PUF60: variants seen among roughly 807,000 people sequenced by gnomAD.
PUF60 encodes poly(U) binding splicing factor 60, also known as poly(U)-binding-splicing factor PUF60.
In PUF60, 10 loss-of-function variants were observed where a neutral mutation model predicts 61.8. That is an observed-to-expected ratio of 0.16 (90% CI 0.10 to 0.27). PUF60 has a LOEUF of 0.27. Ranked by LOEUF, PUF60 falls within the 10% of genes least tolerant of loss-of-function variation. PUF60 has a pLI of 1.00. For synonymous variants in PUF60, 353 were observed against 300.9 expected, an observed-to-expected ratio of 1.17 and a Z score of -1.79; for missense variants, 371 against 754.0, an observed-to-expected ratio of 0.49 and a Z score of 5.95.
At position 143,817,398 on chromosome 8, in the gene PUF60, G is replaced by A; in HGVS notation, c.1077C>T (p.Thr359=). The A allele has an allele frequency of 3.1e-6, 5 of 1,593,720 alleles. No individual in the cohort carries two copies. Among genetic ancestry groups the A allele is most frequent in the Non-Finnish European group, 4.3e-6 (5 of 1,174,262 alleles). ...GTPGLVSPAL[T]LAQPLGTLPQ... ...GCAAAGTGCCCAGGGGCTGGGCCAG[G>A]GTCAGTGCTGGGGACACCAGTCCAG... Residue 359 remains threonine (T), a synonymous_variant, in exon 10 of 12, where the codon ACC becomes ACT. Transcript: ENST00000526683. This position sits in a 1 kb window ranked among gnomAD's most constrained non-coding sequence, Gnocchi z 7.4.
chr8:143,821,706 G>A lies in PUF60; in HGVS notation c.208-20C>T. 1 of 1,547,572 alleles carries A rather than the reference G, an allele frequency of 6.5e-7. No homozygotes were observed. The highest frequency in any genetic ancestry group is 8.7e-7 in the Non-Finnish European group (1 of 1,146,896). ...CTTGGCCTGAGAGAGGCGGCAGTGA[G>A]GAGCACTGGGGGCCCAGCCCATGGG... On this transcript the variant is annotated intron_variant, in intron 3 of 11. Coordinates refer to ENST00000526683, the MANE Select transcript of PUF60 (RefSeq NM_078480.3).
Position 143,821,842 on chromosome 8 carries a change from G to A in PUF60, c.183C>T (p.Pro61=), listed in dbSNP as rs570352268. The part of the protein sequence containing the change: ...AAKLGLPPLT[P]EQQEALQKAK... ...CCTTCTGAAGGGCCTCCTGCTGCTC[G>A]GGCGTCAGGGGAGGCAGCCCCAGCT... Residue 61 remains proline (P), a synonymous_variant, in exon 3 of 12, where the codon CCC becomes CCT. Coordinates refer to ENST00000526683, the MANE Select transcript of PUF60 (RefSeq NM_078480.3). 1.9e-5 allele frequency: 30 copies of A among 1,610,658 alleles called. No individual in the cohort carries two copies. Among genetic ancestry groups the A allele is most frequent in the African/African-American group, 2.7e-5 (2 of 74,840 alleles).
chr8:143,824,436 A>T, intron 1 of PUF60, 37 bp from the exon 2 acceptor site: 2 of 1,595,908 alleles, frequency 1.3e-6, no homozygotes, highest in Non-Finnish European at 1.7e-6. Context: ...CGACAGGCAC[A>T]CCACCCCACC....
rs1816530106 is a variant in PUF60 at position 143,817,769 on chromosome 8, G to T, written c.831C>A (p.Ala277=). 2 of 1,611,178 alleles carry T rather than the reference G, an allele frequency of 1.2e-6. No individual in the cohort carries two copies. The highest frequency in any genetic ancestry group is 4.5e-5 in the East Asian group (2 of 44,828). ...KGYGFIEYEK[A]QSSQDAVSSM... ...AAGACACAGCATCTTGGGACGACTG[G>T]GCCTTCTCGTACTCTGTGGGCAGGA... The change falls in exon 9 of 12, where the codon GCC becomes GCA. Residue 277 remains alanine, a synonymous_variant. Coordinates refer to ENST00000526683, the MANE Select transcript of PUF60 (RefSeq NM_078480.3). This position sits in a 1 kb window ranked among gnomAD's most constrained non-coding sequence, Gnocchi z 7.4.
At chr8:143,827,092 G>A (rs547138728) in intron 1 of PUF60, 5 of 319,162 alleles carry the variant, frequency 1.6e-5, no homozygotes, top group East Asian at 1.0e-4. Flanking sequence ...AGAGAAAGAC[G>A]TCTCTCTCAG....
Position 143,816,472 on chromosome 8 carries a change from C to T in PUF60, c.*48G>A. On this transcript the variant is annotated 3_prime_UTR_variant, in exon 12 of 12. Transcript: ENST00000526683. ...GGGACACCACTGTATCACTATAAAACCCAGAGGAAACAAGGAACAAGTGCA... is the reference window on the plus strand; with the variant it reads ...GGGACACCACTGTATCACTATAAAATCCAGAGGAAACAAGGAACAAGTGCA... The T allele has an allele frequency of 1.9e-6, 3 of 1,566,170 alleles. No individual in the cohort carries two copies. The highest frequency in any genetic ancestry group is 1.7e-6 in the Non-Finnish European group (2 of 1,157,466).
rs756686350 is a variant in PUF60, at chr8:143,818,481, G to A, written c.402C>T (p.Gly134=). ...CCTCCCCCAGCTCATAGTAGATAGAGCCCACGTAGACGCGGCACATGATGG... is the reference window on the plus strand; with the variant it reads ...CCTCCCCCAGCTCATAGTAGATAGAACCCACGTAGACGCGGCACATGATGG... The part of the protein sequence containing the change: ...ALAIMCRVYV[G]SIYYELGEDT... The change falls in exon 6 of 12, where the codon GGC becomes GGT. Residue 134 remains glycine, a synonymous_variant. Coordinates refer to ENST00000526683, the MANE Select transcript of PUF60 (RefSeq NM_078480.3). This position sits in a 1 kb window ranked among gnomAD's most constrained non-coding sequence, Gnocchi z 7.9. 1.6e-5 allele frequency: 25 copies of A among 1,609,890 alleles called. No homozygotes were observed. In the South Asian group the frequency reaches 2.5e-4, roughly 16 times the overall value.
intron 4 of PUF60, chr8:143,821,286 T>C (rs1176343608): frequency 7.4e-6 from 4 of 537,552 alleles, no homozygotes; most frequent in Non-Finnish European, 1.3e-5. Context: ...TGTGCACAGC[T>C]GGGGCAGGGA....
intron 1 of PUF60, chr8:143,824,770 C>T (rs979117824): frequency 2.0e-5 from 6 of 300,708 alleles, no homozygotes; most frequent in South Asian, 3.9e-5. Context: ...GAGGCAGCAG[C>T]GGTGCCTTCC....
intron 1 of PUF60, 153 bp downstream of exon 1, chr8:143,829,127 G>A (rs1448146380): frequency 2.7e-5 from 32 of 1,181,248 alleles, no homozygotes; most frequent in Middle Eastern, 3.4e-4. Flanking sequence ...CGCCCGCCCC[G>A]CCCCCGCCTC....
At chr8:143,824,144 G>A (rs76766533) in intron 2 of PUF60, among the ~76,000 whole-genome samples, 169 bp downstream of exon 2, 5,687 of 152,314 alleles carry the variant, frequency 0.037, 313 homozygotes, top group East Asian at 0.27. Flanking sequence ...TGCGGGGAGA[G>A]GGCCGTGGTC....
At position 143,829,284 on chromosome 8, in the gene PUF60, G is replaced by A. The variant is rs1470495710; in HGVS notation, c.20C>T (p.Ala7Val). 4 of 1,267,904 alleles carry A rather than the reference G, an allele frequency of 3.2e-6. No individual in the cohort carries two copies. Among genetic ancestry groups the A allele is most frequent in the African/African-American group, 3.1e-5 (2 of 64,908 alleles). The allele number at this position is 1,267,904 out of a possible 1,614,324, so 78.5% of individuals were successfully genotyped here. A position where few individuals can be genotyped will look rare whatever the true frequency, so the allele number is the denominator to read the frequency against. The stretch of plus-strand genomic sequence containing the variant: ...CTCATGGGGGGGCTCACTTACGAGA[G>A]CTATGGTCGCCGTCGCCATCTTGCG... MATATI[A>V]LQVNGQQGGG... is the part of the protein sequence containing the mutation. Residue 7 changes from alanine to valine, a missense_variant, in exon 1 of 12, where the codon GCT (alanine) becomes GTT (valine). Ala to Val is a moderately conservative substitution (Grantham distance 64). Transcript: ENST00000526683.
At chr8:143,825,671 TGGG>T (rs1817562270) in intron 1 of PUF60, among the ~76,000 whole-genome samples, 1 of 152,210 alleles carries the variant, frequency 6.6e-6, no homozygotes, top group African/African-American at 2.4e-5. Context: ...TTGGTAGAGA[TGGG>T]GGTCTCCGTG....
intron 11 of PUF60, 36 bp from the exon 12 acceptor site, chr8:143,816,855 C>A: frequency 6.2e-7 from 1 of 1,601,228 alleles, no homozygotes; most frequent in Non-Finnish European, 8.5e-7. Context: ...CAGCTGAGCA[C>A]TGCGGCCCCG....
chr8:143,828,319 T>A (rs1346406685), intron 1 of PUF60, among the ~76,000 whole-genome samples: 1 of 152,170 alleles, frequency 6.6e-6, no homozygotes, highest in Non-Finnish European at 1.5e-5. Context: ...ACAGACCTTA[T>A]CCCATCCCGC....
chr8:143,824,556 TCTTCACA>T lies in PUF60; in HGVS notation c.25-164_25-158del, dbSNP rs1359182843. The T allele has an allele frequency of 1.0e-5, 7 of 685,390 alleles. No individual in the cohort carries two copies. In the African/African-American group the frequency reaches 1.3e-4, roughly 12 times the overall value. 42.5% of individuals were successfully genotyped at this position (685,390 alleles called of 1,614,324 possible). ...TGACCCCCCAGCCCAAACTGCCCTC[TCTTCACA>T]CCCATCAGCACGCCCAGGGACCCAG... is the stretch of plus-strand genomic sequence containing the variant. On this transcript the variant is annotated intron_variant, in intron 1 of 11. Coordinates refer to ENST00000526683, the MANE Select transcript of PUF60 (RefSeq NM_078480.3).
chr8:143,828,522 G>C (rs751480377), intron 1 of PUF60, among the ~76,000 whole-genome samples: 1 of 152,238 alleles, frequency 6.6e-6, no homozygotes, highest in Non-Finnish European at 1.5e-5. Flanking sequence ...AGTGGGCACT[G>C]AGCAGAGCAG....
rs1303728064 is a variant in PUF60, at chr8:143,822,848, A to G, written c.112-935T>C. On this transcript the variant is annotated intron_variant, in intron 2 of 11. Coordinates refer to ENST00000526683, the MANE Select transcript of PUF60 (RefSeq NM_078480.3). ...CCTGTCCTCCAGCTCAGCAAGCACA[A>G]AGATCACTGGCCCACCAACCGGGCC... 9.1e-6 allele frequency: 3 copies of G among 328,238 alleles called. No individual in the cohort carries two copies. The East Asian group carries it at 2.4e-4, about 26-fold the overall frequency. 20.3% of individuals were successfully genotyped at this position (328,238 alleles called of 1,614,324 possible).
At chr8:143,824,553 C>T (rs1179524597) in intron 1 of PUF60, 154 bp from the exon 2 acceptor site, 3 of 706,788 alleles carry the variant, frequency 4.2e-6, no homozygotes, top group Non-Finnish European at 4.8e-6. Context: ...CCAAACTGCC[C>T]TCTCTTCACA....
Sources: gnomAD v4.1 joint callset for allele counts (sites outside exome capture counted in the v4.1 genomes callset) on GRCh38, gnomAD v4.1.1 for gene constraint, Gnocchi (gnomAD v3.1) non-coding constraint, MANE v1.5 for transcripts, NCBI Gene and HGNC (gene_info 2026-07-23, HGNC 2026-07-21) for gene names.